Variants in CTNNA3 observed in about 807,000 individuals in gnomAD.
CTNNA3 encodes the protein catenin alpha-3.
In CTNNA3, 76 loss-of-function variants were observed where a neutral mutation model predicts 95.7. The ratio of observed to expected loss-of-function variants is 0.79; its 90% CI spans 0.66 to 0.96. The LOEUF is 0.96. CTNNA3 is among the 40% of genes least tolerant of loss of function. CTNNA3 has a pLI of 0.00. For synonymous variants in CTNNA3, 431 were observed against 374.4 expected, an observed-to-expected ratio of 1.15 and a Z score of -1.74; for missense variants, 1,191 against 1,089.8, an observed-to-expected ratio of 1.09 and a Z score of -1.31.
chr10:66,430,288 T>C (rs1243880377), intron 11 of CTNNA3, among the ~76,000 whole-genome samples: 1 of 152,108 alleles, frequency 6.6e-6, no homozygotes, highest in Non-Finnish European at 1.5e-5. Context: ...TCCATGCTCA[T>C]GGACAGGAAG....
chr10:67,124,469 A>G (rs1424316921), intron 7 of CTNNA3, among the ~76,000 whole-genome samples: 1 of 151,930 alleles, frequency 6.6e-6, no homozygotes, highest in Non-Finnish European at 1.5e-5. Flanking sequence ...ATCAATTTCT[A>G]GATTACATTT....
intron 13 of CTNNA3, among the ~76,000 whole-genome samples, chr10:66,161,114 T>G (rs2084819056): frequency 6.6e-6 from 1 of 152,184 alleles, no homozygotes; most frequent in Non-Finnish European, 1.5e-5. Context: ...AGATGGCTGG[T>G]GAGTCCTCAT....
intron 1 of CTNNA3, among the ~76,000 whole-genome samples, chr10:67,686,693 G>A (rs1840738448): frequency 2.6e-5 from 4 of 152,104 alleles, no homozygotes; most frequent in Admixed American, 2.6e-4. Flanking sequence ...AAACAGTGAG[G>A]CCAGACTTTT....
chr10:67,052,371 G>A (rs1855163203), intron 7 of CTNNA3, among the ~76,000 whole-genome samples: 2 of 145,906 alleles, frequency 1.4e-5, no homozygotes, highest in South Asian at 2.2e-4. Flanking sequence ...AGCACTAAGC[G>A]GCCAATGCCT....
chr10:67,092,678 T>C (rs1465895029), intron 7 of CTNNA3, among the ~76,000 whole-genome samples: 3 of 151,986 alleles, frequency 2.0e-5, no homozygotes, highest in Non-Finnish European at 4.4e-5. Flanking sequence ...AACTCAAATA[T>C]TACATATGAA....
At chr10:65,992,712 C>T (rs1005131302) in intron 15 of CTNNA3, among the ~76,000 whole-genome samples, 3 of 151,688 alleles carry the variant, frequency 2.0e-5, no homozygotes, top group Non-Finnish European at 4.4e-5. Flanking sequence ...GTTGATCTTT[C>T]GTATTTTTTT....
intron 7 of CTNNA3, among the ~76,000 whole-genome samples, chr10:67,124,549 C>T (rs559654868): frequency 1.6e-4 from 24 of 152,176 alleles, no homozygotes; most frequent in Admixed American, 3.9e-4. Flanking sequence ...AACTGATTCA[C>T]GGTGAATTGA....
At position 66,020,920 on chromosome 10, in the gene CTNNA3, T is replaced by A. The variant is rs3936495; in HGVS notation, c.2160-32123A>T. On this transcript the variant is annotated intron_variant, in intron 15 of 17. Coordinates refer to ENST00000433211, the MANE Select transcript of CTNNA3 (RefSeq NM_013266.4). Reference sequence around the variant, plus strand: ...GATCTCCTGACCTCATGATCCGCCCTCCTTGGCCTCCCAAATTGCTGGGAT... The same window carrying A: ...GATCTCCTGACCTCATGATCCGCCCACCTTGGCCTCCCAAATTGCTGGGAT... 2.1e-4 allele frequency among the ~76,000 whole-genome samples: 32 copies of A among 151,774 alleles called. No homozygotes were observed. In the East Asian group the frequency reaches 2.1e-3, roughly 10 times the overall value.
chr10:66,805,694 A>C (rs1324181868), intron 7 of CTNNA3, among the ~76,000 whole-genome samples: 1 of 152,004 alleles, frequency 6.6e-6, no homozygotes, highest in Non-Finnish European at 1.5e-5. Flanking sequence ...CATTAGATCC[A>C]GATAACAGTC....
At chr10:67,632,423 G>A (rs942213482) in intron 2 of CTNNA3, among the ~76,000 whole-genome samples, 12 of 152,118 alleles carry the variant, frequency 7.9e-5, no homozygotes, top group African/African-American at 2.9e-4. Context: ...AGCAGCTGCG[G>A]TCTGCGCACT....
intron 1 of CTNNA3, among the ~76,000 whole-genome samples, chr10:67,716,283 T>C (rs771320391): frequency 6.6e-6 from 1 of 152,262 alleles, no homozygotes; most frequent in South Asian, 2.1e-4. Context: ...TAGACCATGA[T>C]CTTTTCTAAT....
At chr10:66,841,622 G>C (rs1466794795) in intron 7 of CTNNA3, among the ~76,000 whole-genome samples, 2 of 152,144 alleles carry the variant, frequency 1.3e-5, no homozygotes, top group East Asian at 1.9e-4. Flanking sequence ...CAGCAAAACA[G>C]GGGGACTTAT....
At chr10:67,587,337 G>A (rs1842666305) in intron 3 of CTNNA3, among the ~76,000 whole-genome samples, 1 of 151,874 alleles carries the variant, frequency 6.6e-6, no homozygotes, top group Admixed American at 6.6e-5. Flanking sequence ...TGGGATCATA[G>A]ATTGGAGCCA....
intron 1 of CTNNA3, among the ~76,000 whole-genome samples, chr10:67,758,918 C>T (rs752820459): frequency 6.6e-6 from 1 of 152,156 alleles, no homozygotes; most frequent in East Asian, 1.9e-4. Flanking sequence ...CTTCTTGATT[C>T]TTCTTCTTAC....
rs1239029438 is a variant in CTNNA3 at position 66,543,805 on chromosome 10, TA to T, written c.1375-23033del. 7.9e-5 allele frequency among the ~76,000 whole-genome samples: 12 copies of T among 151,104 alleles called. No individual in the cohort carries two copies. The East Asian group carries it at 1.8e-3, about 22-fold the overall frequency. ...AATTCACCATTGTGAGTTAATTTTT[TA>T]AAGTTTCTTCTCCCACTGTATATGG... On this transcript the variant is annotated intron_variant, in intron 10 of 17. Transcript: ENST00000433211.
At chr10:66,593,457 C>G (rs1213941425) in intron 10 of CTNNA3, among the ~76,000 whole-genome samples, 1 of 152,092 alleles carries the variant, frequency 6.6e-6, no homozygotes, top group Non-Finnish European at 1.5e-5. Flanking sequence ...ACAGTTGGAC[C>G]ACATCACCAA....
chr10:67,434,061 C>A (rs528229210), intron 5 of CTNNA3, among the ~76,000 whole-genome samples: 4 of 152,156 alleles, frequency 2.6e-5, no homozygotes, highest in Admixed American at 1.3e-4. Flanking sequence ...TTCATTTGAA[C>A]CACATATTAG....
At chr10:67,534,295 C>A (rs1329754042) in intron 4 of CTNNA3, among the ~76,000 whole-genome samples, 3 of 152,012 alleles carry the variant, frequency 2.0e-5, no homozygotes, top group Non-Finnish European at 4.4e-5. Context: ...TGGCTGACTA[C>A]AGAATGCTTC....
chr10:67,678,198 CCAAGA>C (rs1199827692), intron 1 of CTNNA3, among the ~76,000 whole-genome samples: 1 of 151,772 alleles, frequency 6.6e-6, no homozygotes, highest in Non-Finnish European at 1.5e-5. Flanking sequence ...AAAATTATCA[CCAAGA>C]CAAAAGAAAA....
Sources: allele counts gnomAD v4.1 joint callset (sites outside exome capture counted in the v4.1 genomes callset), GRCh38; gene constraint gnomAD v4.1.1; transcripts MANE v1.5; gene names NCBI Gene and HGNC (gene_info 2026-07-23, HGNC 2026-07-21).